MAN1C1: variants seen among roughly 807,000 people sequenced by gnomAD.
The protein encoded by MAN1C1 is mannosyl-oligosaccharide 1,2-alpha-mannosidase IC.
MAN1C1 carries 49 observed loss-of-function variants against 71.5 expected under a neutral mutation model. The observed-to-expected ratio is 0.69, with a 90% CI of 0.54 to 0.87. The LOEUF (loss-of-function observed/expected upper bound fraction) is 0.87. Ranked by LOEUF, MAN1C1 falls within the 40% of genes least tolerant of loss-of-function variation. MAN1C1 has a pLI of 0.00. For synonymous variants in MAN1C1, 352 were observed against 343.7 expected, an observed-to-expected ratio of 1.02 and a Z score of -0.27; for missense variants, 743 against 835.0, an observed-to-expected ratio of 0.89 and a Z score of 1.36.
chr1:25,773,640 T>A (rs1191068436), intron 8 of MAN1C1, among the ~76,000 whole-genome samples: 3 of 152,138 alleles, frequency 2.0e-5, no homozygotes, highest in African/African-American at 7.2e-5. Flanking sequence ...AGAGTAAACA[T>A]AAAGTTAATG....
chr1:25,675,592 G>C (rs368637081), intron 1 of MAN1C1, among the ~76,000 whole-genome samples: 3,635 of 143,984 alleles, frequency 0.025, 235 homozygotes, highest in African/African-American at 0.086. Flanking sequence ...TGCGGGGGGG[G>C]GGGGAGGTGG....
intron 2 of MAN1C1, among the ~76,000 whole-genome samples, chr1:25,717,081 C>G (rs1298359808): frequency 6.6e-6 from 1 of 152,104 alleles, no homozygotes; most frequent in Non-Finnish European, 1.5e-5. Context: ...TGATTTGTTT[C>G]CAGTTTGAGG....
At chr1:25,758,304 T>G (rs2047315914) in intron 5 of MAN1C1, among the ~76,000 whole-genome samples, 1 of 152,184 alleles carries the variant, frequency 6.6e-6, no homozygotes, top group Non-Finnish European at 1.5e-5. Context: ...ATAACTCTTG[T>G]ACCAGGTCTC....
At chr1:25,675,908 C>T (rs186336048) in intron 1 of MAN1C1, among the ~76,000 whole-genome samples, 1 of 152,350 alleles carries the variant, frequency 6.6e-6, no homozygotes, top group Admixed American at 6.5e-5. Flanking sequence ...CTCAAGGCCA[C>T]ACAGCCAGTA....
chr1:25,740,828 G>C (rs1027660449), intron 2 of MAN1C1, among the ~76,000 whole-genome samples: 4 of 152,062 alleles, frequency 2.6e-5, no homozygotes, highest in African/African-American at 9.7e-5. Flanking sequence ...GATGCCAAGG[G>C]GGCGGGGAGG....
rs976405985 is a variant in MAN1C1 at position 25,782,997 on chromosome 1, C to T, written c.1766+297C>T. Reference sequence around the variant, plus strand: ...GCTTCCGTTCTGGGAACCGCGTCCTCGTGTGTAAAATGGGATAGGGTTAAC... The same window carrying T: ...GCTTCCGTTCTGGGAACCGCGTCCTTGTGTGTAAAATGGGATAGGGTTAAC... On this transcript the variant is annotated intron_variant, in intron 11 of 11. Coordinates refer to ENST00000374332, the MANE Select transcript of MAN1C1 (RefSeq NM_020379.4). This position sits in a 1 kb window ranked among gnomAD's most constrained non-coding sequence, Gnocchi z 4.4. Among the ~76,000 whole-genome samples the T allele has an allele frequency of 5.3e-5, 8 of 152,270 alleles. No homozygotes were observed. Among genetic ancestry groups the T allele is most frequent in the Admixed American group, 2.6e-4 (4 of 15,298 alleles).
intron 2 of MAN1C1, among the ~76,000 whole-genome samples, chr1:25,736,495 T>C (rs2046984215): frequency 6.6e-6 from 1 of 152,184 alleles, no homozygotes; most frequent in Non-Finnish European, 1.5e-5. Flanking sequence ...CATACCACCC[T>C]AAAAGGGAGA....
chr1:25,781,301 C>T, intron 10 of MAN1C1, 189 bp downstream of exon 10: 1 of 624,084 alleles, frequency 1.6e-6, no homozygotes, highest in South Asian at 2.0e-5. Context: ...GCAAAGTTGT[C>T]CTGAGACAGG....
At chr1:25,633,461 T>C (rs1412107832) in intron 1 of MAN1C1, among the ~76,000 whole-genome samples, 1 of 152,170 alleles carries the variant, frequency 6.6e-6, no homozygotes, top group Non-Finnish European at 1.5e-5. Flanking sequence ...TAGTGTTAGG[T>C]ACATATAAAT....
intron 1 of MAN1C1, among the ~76,000 whole-genome samples, chr1:25,685,104 T>A (rs1325535470): frequency 1.3e-5 from 2 of 152,152 alleles, no homozygotes; most frequent in African/African-American, 4.8e-5. Context: ...AAGGAGGAAA[T>A]CGAGCTAGTG....
At chr1:25,619,845 C>T (rs570665393) in intron 1 of MAN1C1, among the ~76,000 whole-genome samples, 1 of 152,210 alleles carries the variant, frequency 6.6e-6, no homozygotes, top group Non-Finnish European at 1.5e-5. Context: ...TTTTGCCCCT[C>T]TCGACCTCCC....
At chr1:25,620,995 C>A (rs965406739) in intron 1 of MAN1C1, among the ~76,000 whole-genome samples, 1 of 152,194 alleles carries the variant, frequency 6.6e-6, no homozygotes, top group Non-Finnish European at 1.5e-5. Context: ...GAGAGGAGAC[C>A]CACAGAACAT....
chr1:25,635,438 C>CT lies in MAN1C1; in HGVS notation c.540+17118dup, dbSNP rs747915977. 9.6e-3 allele frequency among the ~76,000 whole-genome samples: 1,268 copies of CT among 131,488 alleles called. 11 individuals carry two copies. The highest frequency in any genetic ancestry group is 0.036 in the East Asian group (163 of 4,486). 86.3% of individuals were successfully genotyped at this position (131,488 alleles called of 152,430 possible). On this transcript the variant is annotated intron_variant, in intron 1 of 11. Coordinates refer to ENST00000374332, the MANE Select transcript of MAN1C1 (RefSeq NM_020379.4). The stretch of plus-strand genomic sequence containing the variant: ...GATTCTCATTCTTTTTTCTTTCTTT[C>CT]TTTTTTTTTTTTTTTTTATGTGTGT...
At chr1:25,745,553 G>C (rs1435792201) in intron 2 of MAN1C1, among the ~76,000 whole-genome samples, 1 of 152,126 alleles carries the variant, frequency 6.6e-6, no homozygotes, top group Non-Finnish European at 1.5e-5. Context: ...GAAAGAAAAA[G>C]ATCCCGTGGA....
At chr1:25,716,359 G>T (rs1414856503) in intron 2 of MAN1C1, among the ~76,000 whole-genome samples, 1 of 152,134 alleles carries the variant, frequency 6.6e-6, no homozygotes, top group Non-Finnish European at 1.5e-5. Flanking sequence ...TTGAGACAGG[G>T]TCTCACTCTG....
At chr1:25,754,758 T>C (rs1406826094) in intron 5 of MAN1C1, among the ~76,000 whole-genome samples, 1 of 152,184 alleles carries the variant, frequency 6.6e-6, no homozygotes, top group East Asian at 1.9e-4. Context: ...CTTCCTCTTC[T>C]GTCCCCAGCC....
chr1:25,764,031 C>A lies in MAN1C1; in HGVS notation c.1141+64C>A. On this transcript the variant is annotated intron_variant, in intron 7 of 11. Transcript: ENST00000374332. The surrounding 1 kb of genome is among the most constrained non-coding windows in gnomAD (Gnocchi z 4.4). ...TCCTGCCCAGGCTTCCTAGGAAGAC[C>A]CTGCCAGGCCCCTGGGCTGAGTGAG... The A allele has an allele frequency of 7.4e-7, 1 of 1,348,070 alleles. No homozygotes were observed. The highest frequency in any genetic ancestry group is 1.1e-6 in the Non-Finnish European group (1 of 940,860). 83.5% of individuals were successfully genotyped at this position (1,348,070 alleles called of 1,614,324 possible).
chr1:25,655,297 C>T (rs1199430217), intron 1 of MAN1C1, among the ~76,000 whole-genome samples: 1 of 152,160 alleles, frequency 6.6e-6, no homozygotes, highest in African/African-American at 2.4e-5. Flanking sequence ...TCCTGGAGTC[C>T]GTGGATCTCA....
chr1:25,671,377 T>G (rs11802540), intron 1 of MAN1C1, among the ~76,000 whole-genome samples: 1 of 152,152 alleles, frequency 6.6e-6, no homozygotes, highest in African/African-American at 2.4e-5. Context: ...CATTGTTGTA[T>G]TGATGTGCTA....
Sources: allele counts gnomAD v4.1 joint callset (sites outside exome capture counted in the v4.1 genomes callset), GRCh38; gene constraint gnomAD v4.1.1; non-coding constraint Gnocchi (gnomAD v3.1); transcripts MANE v1.5; gene names NCBI Gene and HGNC (gene_info 2026-07-23, HGNC 2026-07-21).